EIPR1: variants seen among roughly 807,000 people sequenced by gnomAD.
EIPR1 encodes EARP and GARP complex-interacting protein 1.
In EIPR1, 25 loss-of-function variants were observed where a neutral mutation model predicts 48.1. That is an observed-to-expected ratio of 0.52 (90% CI 0.38 to 0.73). The LOEUF (loss-of-function observed/expected upper bound fraction) is 0.73. EIPR1 is among the 30% of genes least tolerant of loss of function. EIPR1 has a pLI of 0.00. For missense variants in EIPR1, 415 were observed against 506.2 expected (o/e 0.82, Z 1.73); for synonymous variants, 204 against 201.9 (o/e 1.01, Z -0.09).
At chr2:3,351,639 G>C (rs1227265398) in intron 2 of EIPR1, among the ~76,000 whole-genome samples, 1 of 152,126 alleles carries the variant, frequency 6.6e-6, no homozygotes, top group Non-Finnish European at 1.5e-5. Flanking sequence ...TTTTCAGGTG[G>C]CCACTGGTAA....
chr2:3,249,700 AG>A (rs1272422250), intron 4 of EIPR1, among the ~76,000 whole-genome samples: 1 of 152,178 alleles, frequency 6.6e-6, no homozygotes, highest in Non-Finnish European at 1.5e-5. Context: ...GCATCTTGGG[AG>A]GGGGAAAGCC....
intron 2 of EIPR1, among the ~76,000 whole-genome samples, chr2:3,339,690 TGTAA>T (rs1191138397): frequency 6.6e-6 from 1 of 152,158 alleles, no homozygotes. Context: ...GGCTCACGCC[TGTAA>T]TTGTAGCACT....
At chr2:3,276,329 G>A (rs1200107078) in intron 3 of EIPR1, among the ~76,000 whole-genome samples, 2 of 152,248 alleles carry the variant, frequency 1.3e-5, no homozygotes, top group Non-Finnish European at 2.9e-5. Flanking sequence ...GAGAACGGAT[G>A]ATGTGGGAGC....
intron 2 of EIPR1, among the ~76,000 whole-genome samples, chr2:3,343,607 C>T (rs1278042761): frequency 6.6e-6 from 1 of 152,166 alleles, no homozygotes; most frequent in Non-Finnish European, 1.5e-5. Flanking sequence ...TTTACCAGTG[C>T]TGGGCTAAGG....
intron 1 of EIPR1, among the ~76,000 whole-genome samples, chr2:3,370,792 G>C (rs531055718): frequency 9.5e-4 from 144 of 152,186 alleles, no homozygotes; most frequent in Non-Finnish European, 2.0e-3. Flanking sequence ...GGGGAGAATG[G>C]AACCAAGTTG....
At chr2:3,309,876 A>G (rs1450180668) in intron 3 of EIPR1, among the ~76,000 whole-genome samples, 2 of 152,192 alleles carry the variant, frequency 1.3e-5, no homozygotes, top group African/African-American at 2.4e-5. Context: ...GGGTTAGGAA[A>G]GAGACGGTGG....
intron 3 of EIPR1, among the ~76,000 whole-genome samples, chr2:3,293,982 C>G (rs1347330838): frequency 6.6e-6 from 1 of 152,118 alleles, no homozygotes; most frequent in East Asian, 1.9e-4. Flanking sequence ...AACACTTTAA[C>G]AAATATGAAC....
intron 2 of EIPR1, among the ~76,000 whole-genome samples, 179 bp downstream of exon 2, chr2:3,354,371 G>A (rs546744645): frequency 5.9e-5 from 9 of 152,290 alleles, no homozygotes; most frequent in South Asian, 2.1e-4. Flanking sequence ...GAACACAGTC[G>A]ATACATATAG....
Position 3,312,271 on chromosome 2 carries a change from G to A in EIPR1, c.259+25746C>T, listed in dbSNP as rs757190760. ...GGCCGCATTCCGGGTGTGCTCTGAC[G>A]TTTTACCCGCCATCCCACTGACCAC... On this transcript the variant is annotated intron_variant, in intron 3 of 8. Transcript: ENST00000382125. This position sits in a 1 kb window ranked among gnomAD's most constrained non-coding sequence, Gnocchi z 5.5. Among the ~76,000 whole-genome samples, 32 of 152,154 alleles carry A rather than the reference G, an allele frequency of 2.1e-4. No homozygotes were observed. The highest frequency in any genetic ancestry group is 4.1e-4 in the South Asian group (2 of 4,834).
intron 4 of EIPR1, among the ~76,000 whole-genome samples, chr2:3,233,306 C>T (rs755021481): frequency 2.6e-5 from 4 of 152,100 alleles, no homozygotes; most frequent in African/African-American, 7.2e-5. Context: ...GTGTGAATTT[C>T]CATAATTTTT....
chr2:3,330,621 G>T (rs1297613623), intron 3 of EIPR1, among the ~76,000 whole-genome samples: 1 of 151,932 alleles, frequency 6.6e-6, no homozygotes, highest in African/African-American at 2.4e-5. Context: ...GATGGTGTGA[G>T]TGGAGGCAGG....
rs375277303 is a variant in EIPR1 at position 3,331,307 on chromosome 2, T to C, written c.259+6710A>G. Among the ~76,000 whole-genome samples, 72 of 45,370 alleles carry C rather than the reference T, an allele frequency of 1.6e-3. 14 individuals are homozygous for C. Among genetic ancestry groups the C allele is most frequent in the African/African-American group, 9.6e-3 (63 of 6,532 alleles). The allele number at this position is 45,370 out of a possible 152,430, so 29.8% of individuals were successfully genotyped here. Reference sequence around the variant, plus strand: ...GGTGTGTATACACTCATGAGATGGTTTCAGCAGAGGCAGGTGTGTATACAC... The same window carrying C: ...GGTGTGTATACACTCATGAGATGGTCTCAGCAGAGGCAGGTGTGTATACAC... On this transcript the variant is annotated intron_variant, in intron 3 of 8. Coordinates refer to ENST00000382125, the MANE Select transcript of EIPR1 (RefSeq NM_003310.5).
chr2:3,324,742 G>A (rs1442587707), intron 3 of EIPR1, among the ~76,000 whole-genome samples: 3 of 152,232 alleles, frequency 2.0e-5, no homozygotes, highest in East Asian at 1.9e-4. Flanking sequence ...AAGATCCCCA[G>A]GATCCAGCCT....
At chr2:3,293,171 G>T (rs924542323) in intron 3 of EIPR1, among the ~76,000 whole-genome samples, 2 of 152,188 alleles carry the variant, frequency 1.3e-5, no homozygotes, top group Admixed American at 6.5e-5. Context: ...TGGCTTGCTC[G>T]GTGAGTTGAG....
At chr2:3,316,670 G>A (rs1307902959) in intron 3 of EIPR1, among the ~76,000 whole-genome samples, 1 of 152,216 alleles carries the variant, frequency 6.6e-6, no homozygotes, top group Non-Finnish European at 1.5e-5. Context: ...TTTTCACAAT[G>A]AAGCTGTGTA....
chr2:3,285,944 C>T (rs542608160), intron 3 of EIPR1, among the ~76,000 whole-genome samples: 5 of 150,266 alleles, frequency 3.3e-5, no homozygotes, highest in South Asian at 4.3e-4. Context: ...GACCCTCGCA[C>T]GGAGCAGAAG....
intron 3 of EIPR1, among the ~76,000 whole-genome samples, chr2:3,284,216 G>T (rs535249270): frequency 3.3e-4 from 47 of 144,344 alleles, no homozygotes; most frequent in African/African-American, 1.2e-3. Context: ...AGATGGGGCC[G>T]GAGGCCGCCC....
At chr2:3,376,195 G>A (rs1421773073) in intron 1 of EIPR1, among the ~76,000 whole-genome samples, 2 of 152,120 alleles carry the variant, frequency 1.3e-5, no homozygotes, top group African/African-American at 2.4e-5. Context: ...ACTGTTCTAC[G>A]TGATTCAATT....
chr2:3,262,380 C>A lies in EIPR1; in HGVS notation c.260-4925G>T, dbSNP rs118148536. On this transcript the variant is annotated intron_variant, in intron 3 of 8. Coordinates refer to ENST00000382125, the MANE Select transcript of EIPR1 (RefSeq NM_003310.5). Reference sequence around the variant, plus strand: ...GCAGGAAACACAAGCTATGGCAATTCCAGGACCTGCTACTTCTGCTGAGGA... The same window carrying A: ...GCAGGAAACACAAGCTATGGCAATTACAGGACCTGCTACTTCTGCTGAGGA... Among the ~76,000 whole-genome samples, 52 of 152,294 alleles carry A rather than the reference C, an allele frequency of 3.4e-4. No homozygotes were observed. In the East Asian group the frequency reaches 5.2e-3, roughly 15 times the overall value.
Sources: gnomAD v4.1 joint callset for allele counts (sites outside exome capture counted in the v4.1 genomes callset) on GRCh38, gnomAD v4.1.1 for gene constraint, Gnocchi (gnomAD v3.1) non-coding constraint, MANE v1.5 for transcripts, NCBI Gene and HGNC (gene_info 2026-07-23, HGNC 2026-07-21) for gene names.